The following ST14 variants were observed in gnomAD, a reference collection of about 807,000 sequenced individuals.
ST14 encodes ST14 transmembrane serine protease matriptase.
In ST14, 40 loss-of-function variants were observed where a neutral mutation model predicts 96.5. The observed-to-expected ratio is 0.41, with a 90% CI of 0.32 to 0.54. The LOEUF (loss-of-function observed/expected upper bound fraction) is 0.54, where lower values mean the gene tolerates loss of function less well. Ranked by LOEUF, ST14 falls within the 20% of genes least tolerant of loss-of-function variation. The pLI is 0.17. For synonymous variants in ST14, 506 were observed against 492.1 expected (o/e 1.03, Z -0.37); for missense variants, 1,066 against 1,188.9 (o/e 0.90, Z 1.52).
chr11:130,162,771 C>G (rs73046958), intron 1 of ST14, among the ~76,000 whole-genome samples: 4,104 of 152,314 alleles, frequency 0.027, 69 homozygotes, highest in Non-Finnish European at 0.041. Context: ...CTCATGAGTA[C>G]TAGCTTCTCG....
chr11:130,209,328 C>A (rs1953522333), intron 17 of ST14, 114 bp from the exon 18 acceptor site: 1 of 1,409,882 alleles, frequency 7.1e-7, no homozygotes, highest in Non-Finnish European at 9.7e-7. Context: ...TTTGTCAGCC[C>A]CGGGCATCTG....
intron 11 of ST14, among the ~76,000 whole-genome samples, chr11:130,197,538 C>A (rs1030655593): frequency 5.9e-5 from 9 of 152,346 alleles, no homozygotes; most frequent in African/African-American, 1.7e-4. Flanking sequence ...CAGGGCAGGG[C>A]CTGCGACCAG....
At position 130,199,984 on chromosome 11, in the gene ST14, G is replaced by A. The variant is rs748349788; in HGVS notation, c.1841G>A (p.Arg614His). 1.5e-5 allele frequency: 25 copies of A among 1,614,012 alleles called. No homozygotes were observed. The highest frequency in any genetic ancestry group is 2.1e-5 in the Non-Finnish European group (25 of 1,180,024). ...CGLRSFTRQA[R>H]VVGGTDADEG... ...CTGCGGTCATTCACGAGACAGGCTC[G>A]TGTTGTTGGGGGCACGGATGCGGAT... The change falls in exon 16 of 19, where the codon CGT becomes CAT. Residue 614 changes from arginine to histidine, a missense_variant. By Grantham distance (29) the Arg-to-His change is conservative (BLOSUM62 0). Transcript: ENST00000278742.
intron 14 of ST14, 112 bp downstream of exon 14, chr11:130,198,733 G>C: frequency 7.5e-7 from 1 of 1,327,000 alleles, no homozygotes; most frequent in African/African-American, 1.5e-5. Context: ...AACCACCTGT[G>C]TGTTAAGTGT....
chr11:130,206,516 A>C (rs953959212), intron 16 of ST14, among the ~76,000 whole-genome samples: 4 of 151,414 alleles, frequency 2.6e-5, no homozygotes, highest in Non-Finnish European at 5.9e-5. Flanking sequence ...CCGTTTCTTC[A>C]GCATTTAGGG....
chr11:130,197,894 C>A lies in ST14; in HGVS notation c.1408C>A (p.Arg470Ser). The A allele has an allele frequency of 6.3e-7, 1 of 1,597,836 alleles. No homozygotes were observed. The highest frequency in any genetic ancestry group is 8.5e-7 in the Non-Finnish European group (1 of 1,175,078). Residue 470 changes from arginine (R) to serine (S), a missense_variant, in exon 12 of 19, where the codon CGC (arginine) becomes AGC (serine). Physicochemically the swap from Arg to Ser is moderately radical, Grantham distance 110. Transcript: ENST00000278742. ...GGGGCGGTGTATCCGGAAGGAGCTG[C>A]GCTGTGATGGCTGGGCCGACTGCAC... is the stretch of plus-strand genomic sequence containing the variant. ...RTGRCIRKEL[R>S]CDGWADCTDH...
chr11:130,162,229 T>A (rs926352972), intron 1 of ST14, among the ~76,000 whole-genome samples: 1 of 152,178 alleles, frequency 6.6e-6, no homozygotes, highest in African/African-American at 2.4e-5. Context: ...CCACCCCTGC[T>A]GTTCCCATCA....
intron 1 of ST14, among the ~76,000 whole-genome samples, chr11:130,186,919 A>T (rs563856881): frequency 1.7e-4 from 26 of 152,352 alleles, no homozygotes; most frequent in African/African-American, 6.3e-4. Context: ...GTGTGATATT[A>T]GATCAAGTCA....
intron 9 of ST14, 88 bp from the exon 10 acceptor site, chr11:130,196,251 G>A: frequency 1.0e-6 from 1 of 995,126 alleles, no homozygotes; most frequent in Non-Finnish European, 1.5e-6. Context: ...ATCTCTCCCT[G>A]GTCCATGCCG....
Position 130,171,824 on chromosome 11 carries a change from A to G in ST14, c.81+11764A>G, listed in dbSNP as rs565304064. Among the ~76,000 whole-genome samples the G allele has an allele frequency of 5.1e-4, 77 of 152,352 alleles. 1 individual carries two copies. The highest frequency in any genetic ancestry group is 1.8e-3 in the African/African-American group (76 of 41,574). ...ACATAATCATATACTTAATATATAA[A>G]TGTATAGATTAAACATCCCACATCA... On this transcript the variant is annotated intron_variant, in intron 1 of 18. Transcript: ENST00000278742.
intron 7 of ST14, 127 bp from the exon 8 acceptor site, chr11:130,194,022 G>A (rs1025209711): frequency 2.5e-6 from 3 of 1,207,742 alleles, no homozygotes; most frequent in Non-Finnish European, 3.7e-6. Flanking sequence ...TCCATTCTTG[G>A]CCTCTGTGGA....
At chr11:130,208,367 G>A (rs779237120) in intron 16 of ST14, 43 bp from the exon 17 acceptor site, 3 of 1,613,360 alleles carry the variant, frequency 1.9e-6, no homozygotes, top group South Asian at 1.1e-5. Flanking sequence ...CGTGTGCACA[G>A]ACCCGAGTGA....
intron 1 of ST14, among the ~76,000 whole-genome samples, chr11:130,170,503 G>A (rs748978999): frequency 6.6e-6 from 1 of 152,152 alleles, no homozygotes; most frequent in Non-Finnish European, 1.5e-5. Context: ...TTGGGGAAGA[G>A]GTGAGGCCCC....
chr11:130,166,000 A>G (rs1194448547), intron 1 of ST14, among the ~76,000 whole-genome samples: 1 of 152,242 alleles, frequency 6.6e-6, no homozygotes, highest in African/African-American at 2.4e-5. Flanking sequence ...CTGTGAGCAC[A>G]TAAGAAGGAA....
At position 130,209,880 on chromosome 11, in the gene ST14, G is replaced by A. The variant is rs926391606; in HGVS notation, c.*57G>A. On this transcript the variant is annotated 3_prime_UTR_variant, in exon 19 of 19. Transcript: ENST00000278742. ...GGGGCCACCCATCGTCCACCCCAGT[G>A]TGCACGCCTGCAGGCTGGAGACTGG... is the stretch of plus-strand genomic sequence containing the variant. The A allele has an allele frequency of 3.3e-5, 52 of 1,596,386 alleles. 1 individual carries two copies. In the Admixed American group the frequency reaches 7.4e-4, roughly 23 times the overall value.
chr11:130,194,132 GCCCTCTGCC>G lies in ST14; in HGVS notation c.876-13_876-5del. The G allele has an allele frequency of 6.2e-7, 1 of 1,614,072 alleles. No individual in the cohort carries two copies. The highest frequency in any genetic ancestry group is 8.5e-7 in the Non-Finnish European group (1 of 1,180,012). On this transcript the variant is annotated splice_region_variant and splice_polypyrimidine_tract_variant and intron_variant, in intron 7 of 18. Coordinates refer to ENST00000278742, the MANE Select transcript of ST14 (RefSeq NM_021978.4). ...GTTCTGTCTGCTCTTCCTAATGCCC[GCCCTCTGCC>G]CCCACAGGTTGTGTGGCACCTACCC... is the stretch of plus-strand genomic sequence containing the variant.
In ST14 at chr11:130,209,852, T is replaced by G. The variant is rs1481873199; in HGVS notation, c.*29T>G. The stretch of plus-strand genomic sequence containing the variant: ...CCGGGGCCACCCAAATGTGTACACC[T>G]GCGGGGCCACCCATCGTCCACCCCA... On this transcript the variant is annotated 3_prime_UTR_variant, in exon 19 of 19. Transcript: ENST00000278742. 5.0e-6 allele frequency: 8 copies of G among 1,610,556 alleles called. No homozygotes were observed. The highest frequency in any genetic ancestry group is 6.8e-6 in the Non-Finnish European group (8 of 1,179,798).
At position 130,199,021 on chromosome 11, in the gene ST14, T is replaced by C. The variant is rs748937148; in HGVS notation, c.1759T>C (p.Cys587Arg). The C allele has an allele frequency of 9.3e-6, 15 of 1,613,896 alleles. No homozygotes were observed. Among genetic ancestry groups the C allele is most frequent in the Non-Finnish European group, 1.3e-5 (15 of 1,179,962 alleles). The change falls in exon 15 of 19, where the codon TGT (cysteine) becomes CGT (arginine). Residue 587 changes from cysteine to arginine, a missense_variant. Physicochemically the swap from Cys to Arg is radical, Grantham distance 180. Coordinates refer to ENST00000278742, the MANE Select transcript of ST14 (RefSeq NM_021978.4). Reference protein sequence around the residue: ...GLCLSKGNPECDGKEDCSDGS... With the variant: ...GLCLSKGNPERDGKEDCSDGS... ...CTGCTTGAGCAAGGGCAACCCTGAG[T>C]GTGACGGGAAGGAGGACTGTAGCGA...
In ST14 at chr11:130,196,612, C is replaced by T. The variant is rs1457806140; in HGVS notation, c.1266C>T (p.Ser422=). Residue 422 remains serine (S), a synonymous_variant, in exon 11 of 19, where the codon AGC becomes AGT. Coordinates refer to ENST00000278742, the MANE Select transcript of ST14 (RefSeq NM_021978.4). The part of the protein sequence containing the change: ...ERSQFVVTSN[S]NKITVRFHSD... ...CCCAGTTCGTCGTCACCAGCAACAG[C>T]AACAAGATCACAGTTCGCTTCCACT... The T allele has an allele frequency of 2.5e-6, 4 of 1,613,914 alleles. No homozygotes were observed. Among genetic ancestry groups the T allele is most frequent in the East Asian group, 4.5e-5 (2 of 44,884 alleles).
Sources: allele counts gnomAD v4.1 joint callset (sites outside exome capture counted in the v4.1 genomes callset), GRCh38; gene constraint gnomAD v4.1.1; transcripts MANE v1.5; gene names NCBI Gene and HGNC (gene_info 2026-07-23, HGNC 2026-07-21).